Variants in PID1 observed in about 807,000 individuals in gnomAD.
PID1 encodes the protein phosphotyrosine interaction domain containing 1.
In PID1, 10 loss-of-function variants were observed where a neutral mutation model predicts 19.1. The observed-to-expected ratio is 0.52, with a 90% CI of 0.32 to 0.89. PID1 has a LOEUF of 0.89. PID1 is among the 40% of genes least tolerant of loss of function. PID1 has a pLI of 0.03. For synonymous variants in PID1, 130 were observed against 116.0 expected, an observed-to-expected ratio of 1.12 and a Z score of -0.78; for missense variants, 248 against 285.3, an observed-to-expected ratio of 0.87 and a Z score of 0.94.
intron 1 of PID1, among the ~76,000 whole-genome samples, chr2:229,212,605 G>C (rs1691762432): frequency 6.6e-6 from 1 of 152,140 alleles, no homozygotes; most frequent in Non-Finnish European, 1.5e-5. Context: ...TAGGAGTAGG[G>C]CACAAAGATA....
chr2:229,127,292 A>G (rs191438732), intron 2 of PID1, among the ~76,000 whole-genome samples: 91 of 152,294 alleles, frequency 6.0e-4, no homozygotes, highest in Non-Finnish European at 1.1e-3. Flanking sequence ...GTATCTACTT[A>G]TGATTATTCC....
At chr2:229,042,727 C>A (rs547004354) in intron 2 of PID1, among the ~76,000 whole-genome samples, 1 of 152,278 alleles carries the variant, frequency 6.6e-6, no homozygotes, top group South Asian at 2.1e-4. Flanking sequence ...GAACCCAATG[C>A]ATGATGTGAA....
At chr2:229,228,400 G>A (rs1692129178) in intron 1 of PID1, among the ~76,000 whole-genome samples, 1 of 152,086 alleles carries the variant, frequency 6.6e-6, no homozygotes, top group Non-Finnish European at 1.5e-5. Context: ...TTACTTTCAT[G>A]TCAAGCCTCA....
intron 1 of PID1, among the ~76,000 whole-genome samples, chr2:229,234,986 A>G (rs1692293093): frequency 6.6e-6 from 1 of 152,210 alleles, no homozygotes; most frequent in Admixed American, 6.5e-5. Flanking sequence ...ATCATGCTTT[A>G]TTTTGAGTAC....
chr2:229,212,461 T>C (rs1691759053), intron 1 of PID1, among the ~76,000 whole-genome samples: 1 of 152,108 alleles, frequency 6.6e-6, no homozygotes, highest in Non-Finnish European at 1.5e-5. Flanking sequence ...CACTAAGAAA[T>C]GAAGGCAAGT....
At chr2:229,076,566 C>T (rs1314865837) in intron 2 of PID1, among the ~76,000 whole-genome samples, 1 of 151,998 alleles carries the variant, frequency 6.6e-6, no homozygotes, top group Non-Finnish European at 1.5e-5. Flanking sequence ...CCAACAGGCC[C>T]CAGTGTGTGA....
chr2:229,132,822 T>C (rs2041513), intron 2 of PID1, among the ~76,000 whole-genome samples: 80,235 of 152,064 alleles, frequency 0.53, 21,936 homozygotes, highest in Admixed American at 0.63. Flanking sequence ...TATTACAATG[T>C]ATGCACTGCA....
At chr2:229,028,349 T>C (rs1693470983) in intron 2 of PID1, among the ~76,000 whole-genome samples, 1 of 152,196 alleles carries the variant, frequency 6.6e-6, no homozygotes, top group African/African-American at 2.4e-5. Context: ...TTCGTGTAAA[T>C]TGAGCCATCA....
chr2:229,139,928 G>C (rs890158879), intron 2 of PID1, among the ~76,000 whole-genome samples: 1 of 152,072 alleles, frequency 6.6e-6, no homozygotes, highest in African/African-American at 2.4e-5. Context: ...CCACATGGGG[G>C]CCAAGAGAGG....
chr2:229,253,591 CAAAAAAAAA>C (rs59530496), intron 1 of PID1, among the ~76,000 whole-genome samples: 2 of 128,502 alleles, frequency 1.6e-5, no homozygotes, highest in Non-Finnish European at 1.7e-5. Context: ...AAATTCCAAG[CAAAAAAAAA>C]AAAAAAAAAA....
intron 1 of PID1, among the ~76,000 whole-genome samples, chr2:229,158,315 A>G (rs542356331): frequency 3.9e-5 from 6 of 152,294 alleles, no homozygotes; most frequent in Admixed American, 3.9e-4. Context: ...GGGCCCTATG[A>G]GTTGTGTAGC....
At chr2:229,093,138 CT>C (rs869034125) in intron 2 of PID1, among the ~76,000 whole-genome samples, 10 of 24,500 alleles carry the variant, frequency 4.1e-4, no homozygotes, top group African/African-American at 4.1e-4. Flanking sequence ...TTTTCTTTTT[CT>C]TTTTTTTTTT....
At chr2:229,205,915 C>T (rs1691599873) in intron 1 of PID1, among the ~76,000 whole-genome samples, 1 of 152,150 alleles carries the variant, frequency 6.6e-6, no homozygotes, top group African/African-American at 2.4e-5. Flanking sequence ...TGTTTTCGTA[C>T]ATTTGCTCTG....
chr2:229,039,660 G>T (rs940512286), intron 2 of PID1, among the ~76,000 whole-genome samples: 1 of 152,096 alleles, frequency 6.6e-6, no homozygotes, highest in African/African-American at 2.4e-5. Context: ...TCTACTCGTA[G>T]TATCACATAA....
chr2:229,267,488 A>C (rs538585666), intron 1 of PID1, among the ~76,000 whole-genome samples: 1 of 152,196 alleles, frequency 6.6e-6, no homozygotes, highest in Non-Finnish European at 1.5e-5. Context: ...TCACAATTAG[A>C]ATCTGCTAGA....
intron 1 of PID1, among the ~76,000 whole-genome samples, chr2:229,261,909 T>C (rs1477946642): frequency 6.7e-5 from 10 of 148,438 alleles, no homozygotes; most frequent in Admixed American, 6.7e-4. Flanking sequence ...TTTTTTTTTT[T>C]GTCTTCAAAG....
intron 1 of PID1, among the ~76,000 whole-genome samples, chr2:229,260,501 CAT>C (rs1491187037): frequency 2.7e-5 from 4 of 149,630 alleles, no homozygotes; most frequent in Admixed American, 6.7e-5. Context: ...TATATATGTG[CAT>C]GTGTGTGTGT....
At chr2:229,098,834 G>T (rs1695021844) in intron 2 of PID1, among the ~76,000 whole-genome samples, 1 of 152,130 alleles carries the variant, frequency 6.6e-6, no homozygotes, top group African/African-American at 2.4e-5. Flanking sequence ...ATTTGCTTTG[G>T]CAGCTCAGAG....
intron 1 of PID1, among the ~76,000 whole-genome samples, chr2:229,221,249 C>T (rs1354174920): frequency 1.3e-5 from 2 of 152,122 alleles, no homozygotes; most frequent in Non-Finnish European, 2.9e-5. Flanking sequence ...TAGTTGGTCA[C>T]CCTATGTTTA....
Sources: gnomAD v4.1 joint callset for allele counts (sites outside exome capture counted in the v4.1 genomes callset) on GRCh38, gnomAD v4.1.1 for gene constraint, MANE v1.5 for transcripts, NCBI Gene and HGNC (gene_info 2026-07-23, HGNC 2026-07-21) for gene names.